Variants in MRGPRE observed in about 807,000 individuals in gnomAD.
The protein encoded by MRGPRE is MAS related GPR family member E.
For missense variants in MRGPRE, 466 were observed against 433.4 expected (o/e 1.08, Z -0.67); for synonymous variants, 229 against 206.7 (o/e 1.11, Z -0.92).
At position 3,228,197 on chromosome 11, in the gene MRGPRE, C is replaced by T; in HGVS notation, c.603G>A (p.Leu201=). 1.3e-6 allele frequency: 2 copies of T among 1,559,982 alleles called. No homozygotes were observed. Among genetic ancestry groups the T allele is most frequent in the Non-Finnish European group, 1.7e-6 (2 of 1,152,320 alleles). ...TMCGASLMLL[L]RVERGPQRPP... ...GCCGCTGGGGGCCTCGCTCCACCCGCAGCAGCAGCATAAGGCTGGCCCCAC... is the reference window on the plus strand; with the variant it reads ...GCCGCTGGGGGCCTCGCTCCACCCGTAGCAGCAGCATAAGGCTGGCCCCAC... Residue 201 remains leucine (L), a synonymous_variant, in exon 2 of 2, where the codon CTG becomes CTA. Coordinates refer to ENST00000389832, the MANE Select transcript of MRGPRE (RefSeq NM_001039165.4).
Position 3,231,736 on chromosome 11 carries a change from A to G in MRGPRE, c.-62+405T>C, listed in dbSNP as rs1385387862. Among the ~76,000 whole-genome samples the G allele has an allele frequency of 6.6e-6, 1 of 151,848 alleles. No individual in the cohort carries two copies. The highest frequency in any genetic ancestry group is 1.5e-5 in the Non-Finnish European group (1 of 67,958). On this transcript the variant is annotated intron_variant, in intron 1 of 1. Transcript: ENST00000389832. This position sits in a 1 kb window ranked among gnomAD's most constrained non-coding sequence, Gnocchi z 4.7. ...GCTCTGTGTCCCGCCCAGACAGCCA[A>G]TACTGAGAAGCCCTGAGGCTGAGCA...
chr11:3,226,289 C>T lies in MRGPRE; in HGVS notation c.*1572G>A, dbSNP rs1035060834. On this transcript the variant is annotated 3_prime_UTR_variant, in exon 2 of 2. Transcript: ENST00000389832. ...GAAAGTGGAATTTGTGGACAGGCCA[C>T]TTCCCTTTCTGTTCTTGTTTCTCCA... The T allele has an allele frequency of 6.6e-6, 1 of 152,352 alleles. No individual in the cohort carries two copies. The highest frequency in any genetic ancestry group is 1.5e-5 in the Non-Finnish European group (1 of 68,130). 9.4% of individuals were successfully genotyped at this position (152,352 alleles called of 1,614,324 possible).
rs774198028 is a variant in MRGPRE, at chr11:3,228,301, C to T, written c.499G>A (p.Gly167Arg). 29 of 1,554,672 alleles carry T rather than the reference C, an allele frequency of 1.9e-5. No individual in the cohort carries two copies. The highest frequency in any genetic ancestry group is 3.5e-5 in the South Asian group (3 of 84,930). ...CGGCACAAGTGGCGGCTGGGCTCCC[C>T]GAAGAACTGGGTGCAGGCGCCGCTG... is the stretch of plus-strand genomic sequence containing the variant. ...LLSGACTQFF[G>R]EPSRHLCRTL... is the part of the protein sequence containing the mutation. The change falls in exon 2 of 2, where the codon GGG becomes AGG. Residue 167 changes from glycine to arginine, a missense_variant. By Grantham distance (125) the Gly-to-Arg change is moderately radical (BLOSUM62 -2). Coordinates refer to ENST00000389832, the MANE Select transcript of MRGPRE (RefSeq NM_001039165.4).
rs948388904 is a variant in MRGPRE at position 3,229,867 on chromosome 11, T to C, written c.-61-1007A>G. Among the ~76,000 whole-genome samples the C allele has an allele frequency of 2.0e-5, 3 of 152,158 alleles. No individual in the cohort carries two copies. Among genetic ancestry groups the C allele is most frequent in the African/African-American group, 7.2e-5 (3 of 41,440 alleles). ...TCCCCATGGGGAGAAGAGGGAGCTG[T>C]CTGATGATGGGGCTGGGAGGGGCCC... On this transcript the variant is annotated intron_variant, in intron 1 of 1. Transcript: ENST00000389832. The surrounding 1 kb of genome is among the most constrained non-coding windows in gnomAD (Gnocchi z 4.4).
rs1029101257 is a variant in MRGPRE, at chr11:3,230,878, C to A, written c.-62+1263G>T. On this transcript the variant is annotated intron_variant, in intron 1 of 1. Coordinates refer to ENST00000389832, the MANE Select transcript of MRGPRE (RefSeq NM_001039165.4). The surrounding 1 kb of genome is among the most constrained non-coding windows in gnomAD (Gnocchi z 5.5). ...CTGGGCCAGCATCATCAGGAGGACACCCTGAGTGGGGCAGACGGGGCATCA... is the reference window on the plus strand; with the variant it reads ...CTGGGCCAGCATCATCAGGAGGACAACCTGAGTGGGGCAGACGGGGCATCA... Among the ~76,000 whole-genome samples the A allele has an allele frequency of 6.6e-6, 1 of 151,966 alleles. No individual in the cohort carries two copies. The highest frequency in any genetic ancestry group is 2.4e-5 in the African/African-American group (1 of 41,348).
Position 3,228,080 on chromosome 11 carries a change from C to G in MRGPRE, c.720G>C (p.Arg240=), listed in dbSNP as rs1357413116. The G allele has an allele frequency of 6.2e-7, 1 of 1,605,774 alleles. No individual in the cohort carries two copies. Among genetic ancestry groups the G allele is most frequent in the Admixed American group, 1.7e-5 (1 of 58,564 alleles). The change falls in exon 2 of 2, where the codon CGG becomes CGC. Residue 240 remains arginine (R), a synonymous_variant. Transcript: ENST00000389832. ...AGTGGGGGATGTACCAGAGCAGGTTCCGGGACAGCCAGTAGATGCCGAAGG... is the reference window on the plus strand; with the variant it reads ...AGTGGGGGATGTACCAGAGCAGGTTGCGGGACAGCCAGTAGATGCCGAAGG... ...GLPFGIYWLS[R]NLLWYIPHYF...
Position 3,228,811 on chromosome 11 carries a change from C to T in MRGPRE, c.-12G>A. On this transcript the variant is annotated 5_prime_UTR_variant, in exon 2 of 2. Coordinates refer to ENST00000389832, the MANE Select transcript of MRGPRE (RefSeq NM_001039165.4). ...CTGGGCTCCATCATGGGGCGGGGGG[C>T]CAGGGGATGCTGCAGGAGTGTGTTC... is the stretch of plus-strand genomic sequence containing the variant. The T allele has an allele frequency of 6.3e-7, 1 of 1,591,542 alleles. No individual in the cohort carries two copies. Among genetic ancestry groups the T allele is most frequent in the East Asian group, 2.2e-5 (1 of 44,558 alleles).
At position 3,227,846 on chromosome 11, in the gene MRGPRE, CG is replaced by C. The variant is rs1266341032; in HGVS notation, c.*14del. The C allele has an allele frequency of 6.3e-6, 9 of 1,434,146 alleles. No individual in the cohort carries two copies. The highest frequency in any genetic ancestry group is 1.5e-5 in the South Asian group (1 of 66,344). The allele number at this position is 1,434,146 out of a possible 1,614,324, so 88.8% of individuals were successfully genotyped here. A position where few individuals can be genotyped will look rare whatever the true frequency, so the allele number is the denominator to read the frequency against. On this transcript the variant is annotated 3_prime_UTR_variant, in exon 2 of 2. Coordinates refer to ENST00000389832, the MANE Select transcript of MRGPRE (RefSeq NM_001039165.4). ...GCCTCACGGGGGCTGCAGCTGGGGT[CG>C]GGGGCCCCAGGGCTCAGGCTGCTAT...
In MRGPRE at chr11:3,228,137, G is replaced by A. The variant is rs1473466592; in HGVS notation, c.663C>T (p.Leu221=). 5 of 1,583,770 alleles carry A rather than the reference G, an allele frequency of 3.2e-6. No individual in the cohort carries two copies. Among genetic ancestry groups the A allele is most frequent in the Non-Finnish European group, 4.3e-6 (5 of 1,165,526 alleles). ...PPRGFPGLIL[L]TVLLFLFCGL... is the part of the protein sequence containing the mutation. ...CGCAGAAGAGGAAGAGGAGGACGGT[G>A]AGGAGGATGAGCCCAGGGAAGCCCC... is the stretch of plus-strand genomic sequence containing the variant. The change falls in exon 2 of 2, where the codon CTC becomes CTT. Residue 221 remains leucine, a synonymous_variant. Coordinates refer to ENST00000389832, the MANE Select transcript of MRGPRE (RefSeq NM_001039165.4).
rs11825278 is a variant in MRGPRE, at chr11:3,229,950, G to C, written c.-61-1090C>G. On this transcript the variant is annotated intron_variant, in intron 1 of 1. Transcript: ENST00000389832. The surrounding 1 kb of genome is among the most constrained non-coding windows in gnomAD (Gnocchi z 4.4). Reference sequence around the variant, plus strand: ...TCCCCTCCCAAGGCAGTCGGCTCACGGGGACAGGTCCTGCGGGAGGGGTAC... The same window carrying C: ...TCCCCTCCCAAGGCAGTCGGCTCACCGGGACAGGTCCTGCGGGAGGGGTAC... Among the ~76,000 whole-genome samples, 1 of 152,192 alleles carries C rather than the reference G, an allele frequency of 6.6e-6. No homozygotes were observed. Among genetic ancestry groups the C allele is most frequent in the Non-Finnish European group, 1.5e-5 (1 of 68,032 alleles).
In MRGPRE at chr11:3,229,901, C is replaced by T. The variant is rs1274989671; in HGVS notation, c.-61-1041G>A. Among the ~76,000 whole-genome samples, 2 of 152,180 alleles carry T rather than the reference C, an allele frequency of 1.3e-5. No homozygotes were observed. The highest frequency in any genetic ancestry group is 2.9e-5 in the Non-Finnish European group (2 of 68,018). On this transcript the variant is annotated intron_variant, in intron 1 of 1. Coordinates refer to ENST00000389832, the MANE Select transcript of MRGPRE (RefSeq NM_001039165.4). This position sits in a 1 kb window ranked among gnomAD's most constrained non-coding sequence, Gnocchi z 4.4. ...GGGGCTGGGAGGGGCCCTGAGCTTC[C>T]ATGGCGTCTCCAGCCTCCCTCCATC...
rs569318283 is a variant in MRGPRE, at chr11:3,225,364, C to A, written c.*2497G>T. Among the ~76,000 whole-genome samples the A allele has an allele frequency of 6.6e-6, 1 of 152,196 alleles. No homozygotes were observed. The highest frequency in any genetic ancestry group is 1.5e-5 in the Non-Finnish European group (1 of 68,028). Reference sequence around the variant, plus strand: ...GCAGCCCCGCAGGGGCCCGGGGTTGCGGGTGGATGGGGTGGGCTGGGCACT... The same window carrying A: ...GCAGCCCCGCAGGGGCCCGGGGTTGAGGGTGGATGGGGTGGGCTGGGCACT... On this transcript the variant is annotated 3_prime_UTR_variant, in exon 2 of 2. Coordinates refer to ENST00000389832, the MANE Select transcript of MRGPRE (RefSeq NM_001039165.4).
At position 3,227,020 on chromosome 11, in the gene MRGPRE, G is replaced by T. The variant is rs918821020; in HGVS notation, c.*841C>A. On this transcript the variant is annotated 3_prime_UTR_variant, in exon 2 of 2. Transcript: ENST00000389832. The stretch of plus-strand genomic sequence containing the variant: ...GAAACCTGTTGAGGGGTGAAGCCTG[G>T]GTTCCTTCCTCAGAGGGATCCTCTG... Among the ~76,000 whole-genome samples the T allele has an allele frequency of 2.6e-5, 4 of 152,210 alleles. No individual in the cohort carries two copies. The highest frequency in any genetic ancestry group is 9.6e-5 in the African/African-American group (4 of 41,456).
Position 3,228,260 on chromosome 11 carries a change from C to A in MRGPRE, c.540G>T (p.Val180=), listed in dbSNP as rs1847787129. The A allele has an allele frequency of 6.4e-7, 1 of 1,552,980 alleles. No homozygotes were observed. The highest frequency in any genetic ancestry group is 8.7e-7 in the Non-Finnish European group (1 of 1,150,450). ...ACAGCAGAGCCAGCAGCACCGCTGC[C>A]ACCAGCCACAGCGTCCGGCACAAGT... ...SRHLCRTLWL[V]AAVLLALLCC... is the part of the protein sequence containing the mutation. Residue 180 remains valine (V), a synonymous_variant, in exon 2 of 2, where the codon GTG becomes GTT. Coordinates refer to ENST00000389832, the MANE Select transcript of MRGPRE (RefSeq NM_001039165.4).
chr11:3,231,072 A>G lies in MRGPRE; in HGVS notation c.-62+1069T>C, dbSNP rs1349233003. Among the ~76,000 whole-genome samples, 1 of 152,030 alleles carries G rather than the reference A, an allele frequency of 6.6e-6. No individual in the cohort carries two copies. The highest frequency in any genetic ancestry group is 6.5e-5 in the Admixed American group (1 of 15,282). On this transcript the variant is annotated intron_variant, in intron 1 of 1. Coordinates refer to ENST00000389832, the MANE Select transcript of MRGPRE (RefSeq NM_001039165.4). The surrounding 1 kb of genome is among the most constrained non-coding windows in gnomAD (Gnocchi z 4.7). ...TCCCAGGCACAAGTCCCGTCCACCC[A>G]TGGACGGAGCTATCTCCGGGATCTA...
rs752350992 is a variant in MRGPRE at position 3,228,010 on chromosome 11, C to T, written c.790G>A (p.Ala264Thr). The change falls in exon 2 of 2, where the codon GCC becomes ACC. Residue 264 changes from alanine to threonine, a missense_variant. By Grantham distance (58) the Ala-to-Thr change is moderately conservative (BLOSUM62 0). Coordinates refer to ENST00000389832, the MANE Select transcript of MRGPRE (RefSeq NM_001039165.4). ...SFLMAAVHCAAKPVVYFCLGS... is the reference protein window; with the variant it reads ...SFLMAAVHCATKPVVYFCLGS... ...AGGCAGAAGTAGACGACGGGCTTGG[C>T]CGCGCAGTGCACGGCGGCCATGAGG... 4 of 1,603,676 alleles carry T rather than the reference C, an allele frequency of 2.5e-6. 1 individual carries two copies. Among genetic ancestry groups the T allele is most frequent in the Non-Finnish European group, 3.4e-6 (4 of 1,174,816 alleles).
Position 3,231,082 on chromosome 11 carries a change from C to A in MRGPRE, c.-62+1059G>T, listed in dbSNP as rs186774434. On this transcript the variant is annotated intron_variant, in intron 1 of 1. Transcript: ENST00000389832. The surrounding 1 kb of genome is among the most constrained non-coding windows in gnomAD (Gnocchi z 4.7). ...AAGTCCCGTCCACCCATGGACGGAG[C>A]TATCTCCGGGATCTACCAGCAAGCT... 1.3e-3 allele frequency among the ~76,000 whole-genome samples: 194 copies of A among 152,238 alleles called. No individual in the cohort carries two copies. Among genetic ancestry groups the A allele is most frequent in the African/African-American group, 4.5e-3 (186 of 41,550 alleles).
rs547922965 is a variant in MRGPRE at position 3,228,205 on chromosome 11, G to A, written c.595C>T (p.Leu199=). The change falls in exon 2 of 2, where the codon CTG becomes TTG. Residue 199 remains leucine, a synonymous_variant. Transcript: ENST00000389832. ...GGGCCTCGCTCCACCCGCAGCAGCA[G>A]CATAAGGCTGGCCCCACACATGGTG... The part of the protein sequence containing the change: ...CCTMCGASLM[L]LLRVERGPQR... 1.5e-5 allele frequency: 23 copies of A among 1,558,030 alleles called. No individual in the cohort carries two copies. The highest frequency in any genetic ancestry group is 9.5e-5 in the African/African-American group (7 of 73,922).
chr11:3,229,771 C>G lies in MRGPRE; in HGVS notation c.-61-911G>C, dbSNP rs914728307. Among the ~76,000 whole-genome samples, 1 of 152,234 alleles carries G rather than the reference C, an allele frequency of 6.6e-6. No individual in the cohort carries two copies. Among genetic ancestry groups the G allele is most frequent in the Non-Finnish European group, 1.5e-5 (1 of 68,036 alleles). ...TGGCCATGTCCCTGCTGTCCTACAGCAGGACTCCAGCCCTCTGCAGGGTAG... is the reference window on the plus strand; with the variant it reads ...TGGCCATGTCCCTGCTGTCCTACAGGAGGACTCCAGCCCTCTGCAGGGTAG... On this transcript the variant is annotated intron_variant, in intron 1 of 1. Coordinates refer to ENST00000389832, the MANE Select transcript of MRGPRE (RefSeq NM_001039165.4). This position sits in a 1 kb window ranked among gnomAD's most constrained non-coding sequence, Gnocchi z 4.4.
Sources: gnomAD v4.1 joint callset for allele counts (sites outside exome capture counted in the v4.1 genomes callset) on GRCh38, gnomAD v4.1.1 for gene constraint, Gnocchi (gnomAD v3.1) non-coding constraint, MANE v1.5 for transcripts, NCBI Gene and HGNC (gene_info 2026-07-23, HGNC 2026-07-21) for gene names.